Variants in TAS2R1 observed in about 807,000 individuals in gnomAD.
TAS2R1 encodes the protein taste 2 receptor member 1.
For synonymous variants in TAS2R1, 141 were observed against 134.2 expected (o/e 1.05, Z -0.35); for missense variants, 370 against 353.4 (o/e 1.05, Z -0.38).
At chr5:9,829,604 C>A in the TAS2R1 span, among the ~76,000 whole-genome samples, 33 of 152,128 alleles carry the variant, frequency 2.2e-4, no homozygotes, top group Non-Finnish European at 1.0e-4. Flanking sequence ...CAGTGAAGAA[C>A]AATAAGCAGC....
At chr5:9,645,630 A>G (rs975931219) in intron 2 of TAS2R1, 4 of 152,332 alleles carry the variant, frequency 2.6e-5, no homozygotes, top group Non-Finnish European at 4.4e-5. Flanking sequence ...CAACATATCC[A>G]TTCACCTGAG....
At chr5:9,838,289 C>T in the TAS2R1 span, among the ~76,000 whole-genome samples, 1 of 152,150 alleles carries the variant, frequency 6.6e-6, no homozygotes, top group African/African-American at 2.4e-5. Context: ...CCATCCTCAC[C>T]CTTCTCCAGG....
At chr5:9,744,582 C>T in the TAS2R1 span, among the ~76,000 whole-genome samples, 283 of 152,100 alleles carry the variant, frequency 1.9e-3, 2 homozygotes, top group South Asian at 6.9e-3. Context: ...TAGTAAGGGC[C>T]AGGTGAGTCT....
chr5:9,693,800 TGC>T (rs1232178419), intron 1 of TAS2R1, among the ~76,000 whole-genome samples: 1 of 152,146 alleles, frequency 6.6e-6, no homozygotes, highest in Non-Finnish European at 1.5e-5. Flanking sequence ...ATCACACAGC[TGC>T]AGTTAACTGA....
chr5:9,862,348 G>GA, the TAS2R1 span, among the ~76,000 whole-genome samples: 1 of 152,172 alleles, frequency 6.6e-6, no homozygotes, highest in Non-Finnish European at 1.5e-5. Context: ...AGCCTGGCAT[G>GA]AAGCAGAGAG....
the TAS2R1 span, among the ~76,000 whole-genome samples, chr5:9,771,733 A>G: frequency 6.6e-6 from 1 of 152,042 alleles, no homozygotes; most frequent in South Asian, 2.1e-4. Context: ...TCATGGTACA[A>G]TCTTAGTAGA....
the TAS2R1 span, among the ~76,000 whole-genome samples, chr5:9,897,528 T>G: frequency 1.3e-5 from 2 of 152,214 alleles, no homozygotes; most frequent in Non-Finnish European, 2.9e-5. Flanking sequence ...CACTACTGTG[T>G]GTGTAAGTTT....
the TAS2R1 span, among the ~76,000 whole-genome samples, chr5:9,891,776 T>C: frequency 2.0e-5 from 3 of 152,148 alleles, no homozygotes; most frequent in Non-Finnish European, 2.9e-5. Flanking sequence ...ATCAGGGCAG[T>C]TGGACAGTGG....
chr5:9,748,680 G>T, the TAS2R1 span, among the ~76,000 whole-genome samples: 2 of 152,278 alleles, frequency 1.3e-5, no homozygotes, highest in South Asian at 4.1e-4. Context: ...AATAAAGCAA[G>T]AACTCATTCA....
chr5:9,729,195 G>C, the TAS2R1 span, among the ~76,000 whole-genome samples: 1 of 152,200 alleles, frequency 6.6e-6, no homozygotes, highest in African/African-American at 2.4e-5. Context: ...TAGCAGGGGG[G>C]CAGTTTTTGG....
the TAS2R1 span, among the ~76,000 whole-genome samples, chr5:9,726,985 G>A: frequency 1.3e-5 from 2 of 152,162 alleles, no homozygotes; most frequent in South Asian, 2.1e-4. Flanking sequence ...TGTTTAAAAC[G>A]GAATGTGTAC....
chr5:9,668,771 T>A (rs1396583067), intron 1 of TAS2R1, among the ~76,000 whole-genome samples: 1 of 151,950 alleles, frequency 6.6e-6, no homozygotes, highest in Non-Finnish European at 1.5e-5. Context: ...GTGCTAAATA[T>A]GGAAAGCAAA....
chr5:9,705,577 G>A (rs1741587267), intron 1 of TAS2R1, among the ~76,000 whole-genome samples: 1 of 152,110 alleles, frequency 6.6e-6, no homozygotes, highest in South Asian at 2.1e-4. Flanking sequence ...TTTTAGTGCT[G>A]GCCAAGCACG....
At chr5:9,891,677 C>T in the TAS2R1 span, among the ~76,000 whole-genome samples, 9 of 152,318 alleles carry the variant, frequency 5.9e-5, no homozygotes, top group African/African-American at 1.9e-4. Context: ...ACAGTGTTTC[C>T]TCTGCCCATA....
At chr5:9,786,531 A>T in the TAS2R1 span, among the ~76,000 whole-genome samples, 1 of 152,194 alleles carries the variant, frequency 6.6e-6, no homozygotes, top group East Asian at 1.9e-4. Flanking sequence ...ACGGTTCTCA[A>T]CGTGGGCTGA....
intron 1 of TAS2R1, among the ~76,000 whole-genome samples, chr5:9,706,932 T>C (rs935103255): frequency 6.6e-5 from 10 of 152,146 alleles, no homozygotes; most frequent in African/African-American, 2.4e-4. Context: ...AATGATGCGG[T>C]TTTTTTAAAA....
At chr5:9,676,678 C>G (rs1295070732) in intron 1 of TAS2R1, among the ~76,000 whole-genome samples, 2 of 152,108 alleles carry the variant, frequency 1.3e-5, no homozygotes, top group East Asian at 3.9e-4. Context: ...GGAGAAAAAT[C>G]TATGAAACCT....
the TAS2R1 span, among the ~76,000 whole-genome samples, chr5:9,817,348 C>G: frequency 1.3e-5 from 2 of 152,184 alleles, no homozygotes; most frequent in Non-Finnish European, 2.9e-5. Context: ...AAAATATTTT[C>G]TGTTTTCTTG....
chr5:9,839,108 C>T, the TAS2R1 span, among the ~76,000 whole-genome samples: 5 of 152,168 alleles, frequency 3.3e-5, no homozygotes, highest in African/African-American at 7.2e-5. Flanking sequence ...GCCTGAGCTG[C>T]GCAGCCGCTA....
Sources: allele counts gnomAD v4.1 joint callset (sites outside exome capture counted in the v4.1 genomes callset), GRCh38; gene constraint gnomAD v4.1.1; transcripts MANE v1.5; gene names NCBI Gene and HGNC (gene_info 2026-07-23, HGNC 2026-07-21).